The following MCM4 variants were observed in gnomAD, a reference collection of about 807,000 sequenced individuals.
The protein encoded by MCM4 is DNA replication licensing factor MCM4.
In MCM4, 60 loss-of-function variants were observed where a neutral mutation model predicts 88.7. The ratio of observed to expected loss-of-function variants is 0.68; its 90% CI spans 0.55 to 0.84. MCM4 has a LOEUF of 0.84. Ranked by LOEUF, MCM4 falls within the 40% of genes least tolerant of loss-of-function variation. The pLI, the probability that MCM4 is intolerant of heterozygous loss-of-function variation, is 0.00. For missense variants in MCM4, 1,149 were observed against 1,105.5 expected, an observed-to-expected ratio of 1.04 and a Z score of -0.56; for synonymous variants, 465 against 410.5, an observed-to-expected ratio of 1.13 and a Z score of -1.61.
At chr8:47,976,382 A>C (rs1036233483) in intron 16 of MCM4, among the ~76,000 whole-genome samples, 1 of 152,090 alleles carries the variant, frequency 6.6e-6, no homozygotes, top group Non-Finnish European at 1.5e-5. Flanking sequence ...GTCCTTTTGT[A>C]AATAAGTAAG....
Position 47,961,686 on chromosome 8 carries a change from T to A in MCM4, c.235+6T>A, listed in dbSNP as rs771255649. 13 of 1,598,790 alleles carry A rather than the reference T, an allele frequency of 8.1e-6. No individual in the cohort carries two copies. Among genetic ancestry groups the A allele is most frequent in the Non-Finnish European group, 1.1e-5 (13 of 1,171,052 alleles). On this transcript the variant is annotated splice_donor_region_variant and intron_variant, in intron 3 of 16. Transcript: ENST00000649973. ...TCCCCAAATGCATTCTTCAGGTGCG[T>A]GTCTGAAGATCTTGGTTTTGCTGTG...
At chr8:47,975,311 A>G (rs2090991955) in intron 15 of MCM4, 1 of 183,754 alleles carries the variant, frequency 5.4e-6, no homozygotes, top group African/African-American at 2.5e-5. Context: ...GTGTATCTCC[A>G]AATGCTATCC....
rs2091015480 is a variant in MCM4, at chr8:47,977,963, A to G, written c.*1185A>G. ...ACCTGGCATTATTTTTCAGTAAGAAAAAAGCTTTACTAACCACTACATTTA... is the reference window on the plus strand; with the variant it reads ...ACCTGGCATTATTTTTCAGTAAGAAGAAAGCTTTACTAACCACTACATTTA... On this transcript the variant is annotated 3_prime_UTR_variant, in exon 17 of 17. Coordinates refer to ENST00000649973, the MANE Select transcript of MCM4 (RefSeq NM_182746.3). 6.6e-6 allele frequency: 1 copy of G among 152,216 alleles called. No individual in the cohort carries two copies. The highest frequency in any genetic ancestry group is 6.5e-5 in the Admixed American group (1 of 15,270). 9.4% of individuals were successfully genotyped at this position (152,216 alleles called of 1,614,324 possible). A position where few individuals can be genotyped will look rare whatever the true frequency, so the allele number is the denominator to read the frequency against.
intron 3 of MCM4, 119 bp downstream of exon 3, chr8:47,961,799 A>G (rs944162935): frequency 1.5e-6 from 2 of 1,301,264 alleles, no homozygotes; most frequent in African/African-American, 3.0e-5. Flanking sequence ...TCTGCACGTG[A>G]CTGAGCATGT....
At position 47,964,617 on chromosome 8, in the gene MCM4, T is replaced by C; in HGVS notation, c.737T>C (p.Phe246Ser). 1 of 1,603,606 alleles carries C rather than the reference T, an allele frequency of 6.2e-7. No homozygotes were observed. The highest frequency in any genetic ancestry group is 8.5e-7 in the Non-Finnish European group (1 of 1,177,518). ...TFDMAVNEIF[F>S]DRYPDSILEH... ...GACATGGCTGTCAATGAAATCTTCT[T>C]TGACCGTTACCCTGACTCAATCTTA... The change falls in exon 8 of 17, where the codon TTT becomes TCT. Residue 246 changes from phenylalanine (F) to serine (S), a missense_variant. By Grantham distance (155) the Phe-to-Ser change is radical. Coordinates refer to ENST00000649973, the MANE Select transcript of MCM4 (RefSeq NM_182746.3).
chr8:47,963,547 A>G lies in MCM4; in HGVS notation c.693+507A>G, dbSNP rs184897410. 6.8e-4 allele frequency among the ~76,000 whole-genome samples: 103 copies of G among 152,332 alleles called. 1 individual carries two copies. The highest frequency in any genetic ancestry group is 2.1e-3 in the African/African-American group (89 of 41,568). ...GAAAGTGGGACTTGTATTACTATCA[A>G]TGACAGGTTATGGTTTACTTGGCAG... is the stretch of plus-strand genomic sequence containing the variant. On this transcript the variant is annotated intron_variant, in intron 7 of 16. Coordinates refer to ENST00000649973, the MANE Select transcript of MCM4 (RefSeq NM_182746.3).
At chr8:47,961,872 G>A (rs986132637) in intron 3 of MCM4, 181 bp from the exon 4 acceptor site, 36 of 907,776 alleles carry the variant, frequency 4.0e-5, no homozygotes, top group Non-Finnish European at 5.2e-5. Flanking sequence ...GTGAGCAGAG[G>A]AAGCAGCTTC....
At chr8:47,962,004 A>G (rs1239907830) in intron 3 of MCM4, 49 bp from the exon 4 acceptor site, 3 of 1,547,784 alleles carry the variant, frequency 1.9e-6, no homozygotes, top group African/African-American at 1.4e-5. Context: ...AACATGCTGT[A>G]ATTTCAGGTT....
In MCM4 at chr8:47,962,940, T is replaced by G; in HGVS notation, c.598-5T>G. On this transcript the variant is annotated splice_region_variant and splice_polypyrimidine_tract_variant and intron_variant, in intron 6 of 16. Coordinates refer to ENST00000649973, the MANE Select transcript of MCM4 (RefSeq NM_182746.3). ...AAATATAACTTGTTCATTTTTATTTTCTAGATTAATGTTATTGGTGAGCCA... is the reference window on the plus strand; with the variant it reads ...AAATATAACTTGTTCATTTTTATTTGCTAGATTAATGTTATTGGTGAGCCA... 6.3e-7 allele frequency: 1 copy of G among 1,584,802 alleles called. No homozygotes were observed. Among genetic ancestry groups the G allele is most frequent in the South Asian group, 1.2e-5 (1 of 86,262 alleles).
chr8:47,961,918 C>T, intron 3 of MCM4, 135 bp from the exon 4 acceptor site: 1 of 940,508 alleles, frequency 1.1e-6, no homozygotes, highest in Non-Finnish European at 1.6e-6. Flanking sequence ...TTTAAGAGTG[C>T]TCAGAATCTC....
chr8:47,961,578 A>C lies in MCM4; in HGVS notation c.133A>C (p.Thr45Pro). The change falls in exon 3 of 17, where the codon ACG becomes CCG. Residue 45 changes from threonine to proline, a missense_variant. Thr to Pro is a conservative substitution (Grantham distance 38). This residue lies in a region of MCM4 where 906 missense variants were observed against 843.0 expected (regional missense o/e 1.07). Transcript: ENST00000649973. Reference sequence around the variant, plus strand: ...ACGTAGAGGCGAGGATTCCACCTCCACGGGGGAGTTGCAGCCGATGCCAAC... The same window carrying C: ...ACGTAGAGGCGAGGATTCCACCTCCCCGGGGGAGTTGCAGCCGATGCCAAC... Reference protein sequence around the residue: ...QRRRGEDSTSTGELQPMPTSP... With the variant: ...QRRRGEDSTSPGELQPMPTSP... 1 of 1,614,162 alleles carries C rather than the reference A, an allele frequency of 6.2e-7. No individual in the cohort carries two copies. Among genetic ancestry groups the C allele is most frequent in the Non-Finnish European group, 8.5e-7 (1 of 1,180,024 alleles).
At chr8:47,969,708 C>G in intron 10 of MCM4, 90 bp from the exon 11 acceptor site, 2 of 1,375,404 alleles carry the variant, frequency 1.5e-6, no homozygotes, top group Non-Finnish European at 2.0e-6. Context: ...GTGCCTCGCT[C>G]TGAAGTGCAC....
Position 47,966,304 on chromosome 8 carries a change from T to TTCTGCTTTTTCCATTGGTAAA in MCM4, c.950_951insTCTGCTTTTTCCATTGGTAAA (p.Met317delinsIleLeuLeuPheProLeuValLys), listed in dbSNP as rs1209428957. 1 of 1,614,024 alleles carries TTCTGCTTTTTCCATTGGTAAA rather than the reference T, an allele frequency of 6.2e-7. No homozygotes were observed. Among genetic ancestry groups the TTCTGCTTTTTCCATTGGTAAA allele is most frequent in the Admixed American group, 1.7e-5 (1 of 60,024 alleles). ...TGTGCCCACACGACCCGGGTGGAGA[T>TTCTGCTTTTTCCATTGGTAAA]GGACCGCGGCCGCATTGCAGAGCCC... is the stretch of plus-strand genomic sequence containing the variant. On this transcript the variant is annotated protein_altering_variant, in exon 9 of 17. Transcript: ENST00000649973.
At chr8:47,966,598 T>C (rs1337819782) in intron 9 of MCM4, among the ~76,000 whole-genome samples, 191 bp downstream of exon 9, 1 of 152,276 alleles carries the variant, frequency 6.6e-6, no homozygotes, top group African/African-American at 2.4e-5. Context: ...TTCAGGGCAC[T>C]GTCCCTGTGC....
chr8:47,973,068 A>T lies in MCM4; in HGVS notation c.2136+4A>T, dbSNP rs1218083030. 6.2e-7 allele frequency: 1 copy of T among 1,611,760 alleles called. No individual in the cohort carries two copies. Among genetic ancestry groups the T allele is most frequent in the Admixed American group, 1.7e-5 (1 of 59,910 alleles). On this transcript the variant is annotated splice_donor_region_variant and intron_variant, in intron 14 of 16. Transcript: ENST00000649973. ...AGCCAGCCAGGCTCTCATCGAGGTA[A>T]CCCTGCTGAAAAAAGGCTTACTGTG...
intron 2 of MCM4, 94 bp downstream of exon 2, chr8:47,961,308 CGGGCGCTCAGCCTCGGGCT>C: frequency 4.9e-6 from 7 of 1,429,928 alleles, no homozygotes; most frequent in Non-Finnish European, 6.3e-6. Flanking sequence ...GCGCGGGACC[CGGGCGCTCAGCCTCGGGCT>C]GGGCGCTGCC....
At chr8:47,966,104 C>T in intron 8 of MCM4, 83 bp from the exon 9 acceptor site, 1 of 1,165,258 alleles carries the variant, frequency 8.6e-7, no homozygotes, top group South Asian at 1.3e-5. Flanking sequence ...GTCTTGGGCA[C>T]CTAGCTCCTG....
chr8:47,961,261 T>C (rs1047593039), intron 2 of MCM4, 47 bp downstream of exon 2: 1 of 1,440,768 alleles, frequency 6.9e-7, no homozygotes, highest in Non-Finnish European at 9.0e-7. Flanking sequence ...CGCCGCCCCG[T>C]CTGCCCTCTC....
Position 47,973,074 on chromosome 8 carries a change from C to G in MCM4, c.2136+10C>G. 6.2e-7 allele frequency: 1 copy of G among 1,609,530 alleles called. No homozygotes were observed. The highest frequency in any genetic ancestry group is 8.5e-7 in the Non-Finnish European group (1 of 1,178,740). On this transcript the variant is annotated intron_variant, in intron 14 of 16. Transcript: ENST00000649973. ...CCAGGCTCTCATCGAGGTAACCCTG[C>G]TGAAAAAAGGCTTACTGTGCCTGTA...
Sources: allele counts gnomAD v4.1 joint callset (sites outside exome capture counted in the v4.1 genomes callset), GRCh38; gene constraint gnomAD v4.1.1; regional missense constraint gnomAD v4.1.1; transcripts MANE v1.5; gene names NCBI Gene and HGNC (gene_info 2026-07-23, HGNC 2026-07-21).